The following CNTNAP3B variants were observed in gnomAD, a reference collection of about 807,000 sequenced individuals.
The protein encoded by CNTNAP3B is contactin-associated protein-like 3B.
Under a neutral mutation model 108.9 loss-of-function variants are expected in CNTNAP3B, and 25 were observed. That is an observed-to-expected ratio of 0.23 (90% CI 0.17 to 0.32). The LOEUF is 0.32. Ranked by LOEUF, CNTNAP3B falls within the 10% of genes least tolerant of loss-of-function variation. CNTNAP3B has a pLI of 1.00. For missense variants in CNTNAP3B, 252 were observed against 1,210.4 expected (o/e 0.21, Z 11.75); for synonymous variants, 103 against 473.4 (o/e 0.22, Z 10.16).
In CNTNAP3B at chr9:42,078,448, T is replaced by C. The variant is rs1351357060; in HGVS notation, c.197-1386A>G. Among the ~76,000 whole-genome samples the C allele has an allele frequency of 3.6e-5, 5 of 139,990 alleles. 1 individual carries two copies. The South Asian group carries it at 1.1e-3, about 31-fold the overall frequency. 91.8% of individuals were successfully genotyped at this position (139,990 alleles called of 152,430 possible). On this transcript the variant is annotated intron_variant, in intron 2 of 23. Transcript: ENST00000377561. ...ATGTACGATAAGCACCTCTAAAGTT[T>C]ATATTATATATATAGTATGTACACA... is the stretch of plus-strand genomic sequence containing the variant.
chr9:41,996,437 C>A, intron 6 of CNTNAP3B, 89 bp from the exon 7 acceptor site: 1 of 789,486 alleles, frequency 1.3e-6, no homozygotes, highest in Non-Finnish European at 1.8e-6. Flanking sequence ...AGGTCTAGTA[C>A]TAATTGTCAC....
intron 1 of CNTNAP3B, among the ~76,000 whole-genome samples, chr9:42,120,208 A>G (rs1485646846): frequency 6.8e-6 from 1 of 145,994 alleles, no homozygotes; most frequent in Non-Finnish European, 1.5e-5. Context: ...TTATGCAGCC[A>G]AAAAACACAC....
intron 1 of CNTNAP3B, among the ~76,000 whole-genome samples, chr9:42,108,072 C>A (rs1157276793): frequency 7.2e-6 from 1 of 138,034 alleles, no homozygotes; most frequent in Non-Finnish European, 1.5e-5. Context: ...TTTTCCCTAT[C>A]ATTTTGAATT....
In CNTNAP3B at chr9:42,097,220, G is replaced by T. The variant is rs757844062; in HGVS notation, c.196+7409C>A. Among the ~76,000 whole-genome samples, 180 of 140,080 alleles carry T rather than the reference G, an allele frequency of 1.3e-3. 31 individuals carry two copies. The highest frequency in any genetic ancestry group is 2.5e-3 in the Non-Finnish European group (160 of 65,120). 91.9% of individuals were successfully genotyped at this position (140,080 alleles called of 152,430 possible). A position where few individuals can be genotyped will look rare whatever the true frequency, so the allele number is the denominator to read the frequency against. ...ATCCCCGTTTTGTTTGAAAACTGAC[G>T]GAAAATATGACATCATGTTCCCATC... is the stretch of plus-strand genomic sequence containing the variant. On this transcript the variant is annotated intron_variant, in intron 2 of 23. Coordinates refer to ENST00000377561, the MANE Select transcript of CNTNAP3B (RefSeq NM_001201380.3).
At chr9:42,112,586 T>C (rs62558869) in intron 1 of CNTNAP3B, among the ~76,000 whole-genome samples, 22,476 of 136,708 alleles carry the variant, frequency 0.16, 3,910 homozygotes, top group Middle Eastern at 0.32. Context: ...AGAAGACACA[T>C]AGAAACAGGT....
chr9:41,916,796 C>A (rs1366454070), intron 18 of CNTNAP3B, among the ~76,000 whole-genome samples: 1 of 147,120 alleles, frequency 6.8e-6, no homozygotes, highest in African/African-American at 2.6e-5. Flanking sequence ...TGCTACTGAA[C>A]ATGAAAGATG....
rs1208705062 is a variant in CNTNAP3B, at chr9:41,940,820, C to T, written c.2081-2420G>A. 1.1e-4 allele frequency among the ~76,000 whole-genome samples: 17 copies of T among 152,246 alleles called. No homozygotes were observed. In the South Asian group the frequency reaches 2.1e-3, roughly 19 times the overall value. Reference sequence around the variant, plus strand: ...ACAGAGTGAGACTCCATCTCCAAAACAATAACAACAACAAAAAACCTTTTT... The same window carrying T: ...ACAGAGTGAGACTCCATCTCCAAAATAATAACAACAACAAAAAACCTTTTT... On this transcript the variant is annotated intron_variant, in intron 13 of 23. Transcript: ENST00000377561.
At chr9:42,033,078 A>T (rs1226913408) in intron 3 of CNTNAP3B, among the ~76,000 whole-genome samples, 1 of 139,442 alleles carries the variant, frequency 7.2e-6, no homozygotes, top group Admixed American at 7.1e-5. Context: ...GGCTTTTCTG[A>T]GAAAAATATC....
intron 9 of CNTNAP3B, among the ~76,000 whole-genome samples, chr9:41,977,620 CTTT>C (rs1174385380): frequency 1.5e-4 from 17 of 116,546 alleles, no homozygotes; most frequent in South Asian, 2.6e-4. Context: ...TGAATTTTAC[CTTT>C]TTTTTTTTTT....
chr9:41,962,462 T>A (rs1334184104), intron 11 of CNTNAP3B, among the ~76,000 whole-genome samples: 1 of 151,820 alleles, frequency 6.6e-6, no homozygotes, highest in Non-Finnish European at 1.5e-5. Context: ...CAACATTAAA[T>A]GCAATCAGAC....
At position 41,922,392 on chromosome 9, in the gene CNTNAP3B, G is replaced by A. The variant is rs558871730; in HGVS notation, c.2755+285C>T. Among the ~76,000 whole-genome samples, 31 of 139,966 alleles carry A rather than the reference G, an allele frequency of 2.2e-4. 1 individual carries two copies. In the South Asian group the frequency reaches 4.1e-3, roughly 19 times the overall value. The allele number at this position is 139,966 out of a possible 152,430, so 91.8% of individuals were successfully genotyped here. A position where few individuals can be genotyped will look rare whatever the true frequency, so the allele number is the denominator to read the frequency against. ...GAGGCAGGAGAATCGCTTGAACCCG[G>A]CAGGTGGAGGTTTCAGTGGGCTGAG... On this transcript the variant is annotated intron_variant, in intron 17 of 23. Transcript: ENST00000377561.
rs1828454907 is a variant in CNTNAP3B, at chr9:42,121,195, C to T, written c.85+7815G>A. Among the ~76,000 whole-genome samples, 2 of 138,300 alleles carry T rather than the reference C, an allele frequency of 1.4e-5. 1 individual carries two copies. The highest frequency in any genetic ancestry group is 1.4e-4 in the Admixed American group (2 of 13,880). The allele number at this position is 138,300 out of a possible 152,430, so 90.7% of individuals were successfully genotyped here. On this transcript the variant is annotated intron_variant, in intron 1 of 23. Transcript: ENST00000377561. ...CAGAGGCACAGCTGTGAAACACATT[C>T]TACCGGCTTCCTGAGAGCTTCCCAG...
At chr9:41,943,438 C>T (rs1285807357) in intron 13 of CNTNAP3B, among the ~76,000 whole-genome samples, 22 of 151,168 alleles carry the variant, frequency 1.5e-4, no homozygotes, top group Admixed American at 7.3e-4. Flanking sequence ...CTGCAAGCTC[C>T]GCCTCCTGGG....
At chr9:41,992,429 AG>A (rs1305325712) in intron 7 of CNTNAP3B, among the ~76,000 whole-genome samples, 15 of 145,432 alleles carry the variant, frequency 1.0e-4, no homozygotes, top group African/African-American at 3.9e-4. Context: ...CAGATCTAAT[AG>A]TTATATACAA....
At chr9:41,959,341 C>A (rs1176866474) in intron 12 of CNTNAP3B, among the ~76,000 whole-genome samples, 1 of 152,206 alleles carries the variant, frequency 6.6e-6, no homozygotes, top group African/African-American at 2.4e-5. Flanking sequence ...GAATTTATTA[C>A]TGGCTATAGA....
chr9:42,035,588 T>C (rs1239329490), intron 3 of CNTNAP3B, among the ~76,000 whole-genome samples: 2 of 148,506 alleles, frequency 1.3e-5, no homozygotes, highest in African/African-American at 2.5e-5. Context: ...TTCAGAGTGA[T>C]GGTGTGAGGA....
chr9:41,942,868 AAC>A, intron 13 of CNTNAP3B, among the ~76,000 whole-genome samples: 2 of 152,186 alleles, frequency 1.3e-5, no homozygotes, highest in Non-Finnish European at 2.9e-5. Context: ...AATTCAGCCT[AAC>A]TACTAACCAG....
At chr9:41,934,353 G>A (rs1824088368) in intron 14 of CNTNAP3B, among the ~76,000 whole-genome samples, 1 of 152,156 alleles carries the variant, frequency 6.6e-6, no homozygotes. Flanking sequence ...CGAGTAGCTG[G>A]GACTACAGGC....
At chr9:41,921,097 G>A (rs1401919199) in intron 17 of CNTNAP3B, among the ~76,000 whole-genome samples, 8 of 152,420 alleles carry the variant, frequency 5.2e-5, no homozygotes, top group South Asian at 2.1e-4. Flanking sequence ...ATTCCAATTC[G>A]GTGGGCCTAA....
Sources: gnomAD v4.1 joint callset for allele counts (sites outside exome capture counted in the v4.1 genomes callset) on GRCh38, gnomAD v4.1.1 for gene constraint, MANE v1.5 for transcripts, NCBI Gene and HGNC (gene_info 2026-07-23, HGNC 2026-07-21) for gene names.